Variants in SNX25 observed in about 807,000 individuals in gnomAD.
SNX25 encodes the protein sorting nexin 25.
Under a neutral mutation model 113.7 loss-of-function variants are expected in SNX25, and 62 were observed. The observed-to-expected ratio is 0.55, with a 90% CI of 0.44 to 0.67. The LOEUF (loss-of-function observed/expected upper bound fraction) is 0.67. Among genes scored for constraint, SNX25 ranks in the 30% least tolerant of loss-of-function variants. SNX25 has a pLI of 0.00. For missense variants in SNX25, 1,014 were observed against 1,161.0 expected (o/e 0.87, Z 1.84); for synonymous variants, 421 against 436.2 (o/e 0.97, Z 0.43).
At chr4:185,241,618 A>G (rs923795348) in intron 1 of SNX25, among the ~76,000 whole-genome samples, 1 of 149,160 alleles carries the variant, frequency 6.7e-6, no homozygotes, top group Non-Finnish European at 1.5e-5. Flanking sequence ...TTTACAGGAT[A>G]GCGGTCTGGT....
At chr4:185,275,365 A>G (rs867616604) in intron 5 of SNX25, among the ~76,000 whole-genome samples, 2 of 152,224 alleles carry the variant, frequency 1.3e-5, no homozygotes, top group Non-Finnish European at 2.9e-5. Context: ...TATCTAATAC[A>G]TAGATAATAC....
chr4:185,344,011 G>C (rs2095272894), intron 12 of SNX25, among the ~76,000 whole-genome samples: 1 of 152,166 alleles, frequency 6.6e-6, no homozygotes, highest in African/African-American at 2.4e-5. Flanking sequence ...TTGAGGTCAG[G>C]AGTTCGAGAC....
At chr4:185,217,168 C>T (rs528037643) in intron 1 of SNX25, among the ~76,000 whole-genome samples, 5 of 151,960 alleles carry the variant, frequency 3.3e-5, no homozygotes, top group South Asian at 4.2e-4. Flanking sequence ...CAGTGGCTCA[C>T]GCCTGTAATC....
intron 7 of SNX25, among the ~76,000 whole-genome samples, chr4:185,312,546 G>A (rs1475998144): frequency 1.4e-5 from 2 of 146,352 alleles, no homozygotes; most frequent in Non-Finnish European, 3.0e-5. Flanking sequence ...TTTTTGAGAT[G>A]GAGTCTCACT....
intron 5 of SNX25, among the ~76,000 whole-genome samples, chr4:185,276,734 C>G (rs1357481255): frequency 2.6e-5 from 4 of 152,168 alleles, no homozygotes; most frequent in African/African-American, 9.7e-5. Context: ...TCTAGCAATG[C>G]TGGACCAGAA....
downstream of SNX25, among the ~76,000 whole-genome samples, chr4:185,372,150 T>C (rs547338811): frequency 3.9e-5 from 6 of 152,340 alleles, no homozygotes; most frequent in African/African-American, 1.2e-4. Context: ...GGTGCAGTTA[T>C]AGAACTGCAT....
intron 10 of SNX25, among the ~76,000 whole-genome samples, chr4:185,337,892 G>A (rs1308121181): frequency 6.6e-6 from 1 of 152,016 alleles, no homozygotes; most frequent in Non-Finnish European, 1.5e-5. Context: ...ATCTTATTTT[G>A]GTTCTGATTT....
intron 9 of SNX25, among the ~76,000 whole-genome samples, chr4:185,328,640 T>A (rs1436662337): frequency 6.6e-6 from 1 of 152,156 alleles, no homozygotes; most frequent in African/African-American, 2.4e-5. Context: ...CAAGTTAAAT[T>A]AAAGGATTGG....
At chr4:185,235,672 G>T (rs77223149) in intron 1 of SNX25, among the ~76,000 whole-genome samples, 3,366 of 152,260 alleles carry the variant, frequency 0.022, 54 homozygotes, top group South Asian at 0.067. Context: ...TGGGAGGATT[G>T]CTTGAGGACA....
At chr4:185,243,555 T>C (rs1235539727) in intron 1 of SNX25, among the ~76,000 whole-genome samples, 1 of 152,070 alleles carries the variant, frequency 6.6e-6, no homozygotes, top group African/African-American at 2.4e-5. Context: ...TGAGCCAAGA[T>C]TGCACCACTG....
chr4:185,313,063 G>A (rs1020627976), intron 7 of SNX25, among the ~76,000 whole-genome samples: 1 of 152,164 alleles, frequency 6.6e-6, no homozygotes, highest in Non-Finnish European at 1.5e-5. Flanking sequence ...ATGTGATCCA[G>A]AAGAATTACC....
chr4:185,315,003 C>T (rs111532421), intron 7 of SNX25, among the ~76,000 whole-genome samples: 10 of 151,084 alleles, frequency 6.6e-5, no homozygotes, highest in Admixed American at 1.3e-4. Flanking sequence ...CCGAGGCGGG[C>T]GGATCACGAG....
At chr4:185,375,677 T>C in the SNX25 span, 1 of 1,611,994 alleles carries the variant, frequency 6.2e-7, no homozygotes, top group Non-Finnish European at 8.5e-7. Flanking sequence ...TGCTTGATGG[T>C]CTTTCTCCTT....
At chr4:185,315,784 A>C (rs557906039) in intron 7 of SNX25, among the ~76,000 whole-genome samples, 1 of 152,226 alleles carries the variant, frequency 6.6e-6, no homozygotes. Flanking sequence ...AGTCCTTAAC[A>C]AAAATACTGG....
Position 185,353,561 on chromosome 4 carries a change from C to T in SNX25, c.2543C>T (p.Pro848Leu), listed in dbSNP as rs2095325827. ...GGGAGGAAAGACGCCTTGGCTGAAC[C>T]ATGTTTCATGTTGATTGGGGAGATT... ...VDGRKDALAE[P>L]CFMLIGEIFE... Residue 848 changes from proline (P) to leucine (L), a missense_variant, in exon 15 of 19, where the codon CCA becomes CTA. Coordinates refer to ENST00000652585, the MANE Select transcript of SNX25 (RefSeq NM_001378034.2). The T allele has an allele frequency of 1.2e-6, 2 of 1,614,106 alleles. No individual in the cohort carries two copies. Among genetic ancestry groups the T allele is most frequent in the Non-Finnish European group, 1.7e-6 (2 of 1,180,000 alleles).
intron 1 of SNX25, among the ~76,000 whole-genome samples, chr4:185,231,810 T>C (rs2126411715): frequency 6.6e-6 from 1 of 152,288 alleles, no homozygotes; most frequent in African/African-American, 2.4e-5. Flanking sequence ...GATCTAGATC[T>C]GGGCTGGAGT....
chr4:185,282,393 T>C lies in SNX25; in HGVS notation c.1092-5619T>C, dbSNP rs148313649. On this transcript the variant is annotated intron_variant, in intron 5 of 18. Transcript: ENST00000652585. The stretch of plus-strand genomic sequence containing the variant: ...CATGTTGGCCAGGCTGGTCTTGAAC[T>C]CCTGACCTCAAGTGATCTACCCACC... Among the ~76,000 whole-genome samples, 165 of 152,256 alleles carry C rather than the reference T, an allele frequency of 1.1e-3. 1 individual carries two copies. Among genetic ancestry groups the C allele is most frequent in the African/African-American group, 3.7e-3 (155 of 41,556 alleles).
intron 4 of SNX25, 147 bp downstream of exon 4, chr4:185,264,757 A>C (rs1747810707): frequency 1.2e-6 from 1 of 825,738 alleles, no homozygotes; most frequent in Non-Finnish European, 1.8e-6. Context: ...GCCATTCAGG[A>C]TAAACTTAAA....
In SNX25 at chr4:185,230,385, A is replaced by G. The variant is rs565253242; in HGVS notation, c.430-16909A>G. Among the ~76,000 whole-genome samples, 145 of 143,840 alleles carry G rather than the reference A, an allele frequency of 1.0e-3. 1 individual carries two copies. The highest frequency in any genetic ancestry group is 4.0e-3 in the Admixed American group (52 of 13,140). 94.4% of individuals were successfully genotyped at this position (143,840 alleles called of 152,430 possible). A position where few individuals can be genotyped will look rare whatever the true frequency, so the allele number is the denominator to read the frequency against. On this transcript the variant is annotated intron_variant, in intron 1 of 18. Transcript: ENST00000652585. The stretch of plus-strand genomic sequence containing the variant: ...ATAACACACTTCTGTTTTTTTCAGG[A>G]ATCATAATTTTTTTTTTTTTTTTCC...
Sources: allele counts gnomAD v4.1 joint callset (sites outside exome capture counted in the v4.1 genomes callset), GRCh38; gene constraint gnomAD v4.1.1; transcripts MANE v1.5; gene names NCBI Gene and HGNC (gene_info 2026-07-23, HGNC 2026-07-21).